EBPL: variants seen among roughly 807,000 people sequenced by gnomAD.
The protein encoded by EBPL is emopamil-binding protein-like.
EBPL carries 20 observed loss-of-function variants against 19.0 expected under a neutral mutation model. The observed-to-expected ratio is 1.05, with a 90% CI of 0.74 to 1.53. The LOEUF (loss-of-function observed/expected upper bound fraction) is 1.53, where lower values mean the gene tolerates loss of function less well. EBPL is among the 40% of genes most tolerant of loss of function. The pLI, the probability that EBPL is intolerant of heterozygous loss-of-function variation, is 0.00. For synonymous variants in EBPL, 107 were observed against 117.0 expected (o/e 0.91, Z 0.55); for missense variants, 219 against 261.1 (o/e 0.84, Z 1.11).
At chr13:49,665,353 C>T (rs1457883023) in intron 2 of EBPL, among the ~76,000 whole-genome samples, 1 of 152,222 alleles carries the variant, frequency 6.6e-6, no homozygotes, top group African/African-American at 2.4e-5. Flanking sequence ...CTCGCTGCAA[C>T]CTCCGCCTCC....
chr13:49,662,226 G>A (rs989689787), intron 3 of EBPL, among the ~76,000 whole-genome samples: 4 of 152,134 alleles, frequency 2.6e-5, no homozygotes, highest in Non-Finnish European at 5.9e-5. Context: ...CTGAACTTCT[G>A]ATCTCGTGAT....
intron 2 of EBPL, among the ~76,000 whole-genome samples, chr13:49,665,010 A>G (rs373663441): frequency 6.6e-6 from 1 of 152,210 alleles, no homozygotes; most frequent in Non-Finnish European, 1.5e-5. Flanking sequence ...TTAAATATAC[A>G]TACAATAGGT....
intron 2 of EBPL, among the ~76,000 whole-genome samples, chr13:49,665,674 G>T (rs1467342492): frequency 6.6e-6 from 1 of 151,552 alleles, no homozygotes; most frequent in East Asian, 1.9e-4. Flanking sequence ...CAAAATGCTG[G>T]GATTACAGGC....
intron 1 of EBPL, among the ~76,000 whole-genome samples, chr13:49,683,330 TC>T (rs1953962189): frequency 6.6e-6 from 1 of 151,602 alleles, no homozygotes; most frequent in South Asian, 2.1e-4. Flanking sequence ...ATGGAGACCA[TC>T]CCTGGCTAAC....
In EBPL at chr13:49,678,432, C is replaced by A. The variant is rs557731121; in HGVS notation, c.172-8586G>T. Among the ~76,000 whole-genome samples, 150 of 152,360 alleles carry A rather than the reference C, an allele frequency of 9.8e-4. 1 individual carries two copies. The highest frequency in any genetic ancestry group is 9.8e-3 in the Admixed American group (150 of 15,308). ...GTGGTGCCGGCTCGGGCATGGCGGG[C>A]TGCAAGTTCCGAGCCCTGCCCCGTG... is the stretch of plus-strand genomic sequence containing the variant. On this transcript the variant is annotated intron_variant, in intron 1 of 3. Transcript: ENST00000242827.
At chr13:49,689,547 C>T (rs1211997514) in intron 1 of EBPL, among the ~76,000 whole-genome samples, 1 of 152,106 alleles carries the variant, frequency 6.6e-6, no homozygotes, top group Non-Finnish European at 1.5e-5. Flanking sequence ...CGGGGTTTCA[C>T]CATGTTGGCC....
chr13:49,668,916 G>A (rs1356258175), intron 2 of EBPL, among the ~76,000 whole-genome samples: 2 of 143,254 alleles, frequency 1.4e-5, no homozygotes, highest in Admixed American at 1.4e-4. Context: ...GTCTTGCTCT[G>A]TCACCCAGAC....
In EBPL at chr13:49,677,164, T is replaced by C. The variant is rs1416544990; in HGVS notation, c.172-7318A>G. 2.0e-5 allele frequency among the ~76,000 whole-genome samples: 3 copies of C among 152,168 alleles called. No individual in the cohort carries two copies. In the South Asian group the frequency reaches 6.2e-4, roughly 31 times the overall value. On this transcript the variant is annotated intron_variant, in intron 1 of 3. Coordinates refer to ENST00000242827, the MANE Select transcript of EBPL (RefSeq NM_032565.5). ...TGTTTTATGTAAAAAGGAAGCCAAA[T>C]AGACCAACAAACACTTGTCTTTTCT...
At chr13:49,684,675 A>T (rs1027373371) in intron 1 of EBPL, among the ~76,000 whole-genome samples, 1 of 152,358 alleles carries the variant, frequency 6.6e-6, no homozygotes, top group Non-Finnish European at 1.5e-5. Flanking sequence ...GACTGTCTCA[A>T]AAAATAAAAT....
intron 1 of EBPL, among the ~76,000 whole-genome samples, chr13:49,675,706 T>G (rs926790641): frequency 6.6e-6 from 1 of 152,182 alleles, no homozygotes; most frequent in African/African-American, 2.4e-5. Flanking sequence ...CCTTTGGGTG[T>G]ATATGTAGAA....
chr13:49,667,598 A>C (rs1323420338), intron 2 of EBPL, among the ~76,000 whole-genome samples: 3 of 152,116 alleles, frequency 2.0e-5, no homozygotes, highest in African/African-American at 4.8e-5. Flanking sequence ...TACATTATCT[A>C]CTGGATTTTT....
intron 1 of EBPL, among the ~76,000 whole-genome samples, chr13:49,686,848 T>G (rs1468515694): frequency 6.6e-6 from 1 of 152,136 alleles, no homozygotes; most frequent in African/African-American, 2.4e-5. Context: ...TAGGCTGGAG[T>G]GCAGTGGCGT....
Position 49,663,081 on chromosome 13 carries a change from G to C in EBPL, c.356C>G (p.Ala119Gly). The part of the protein sequence containing the change: ...DGSLALFLIY[A>G]IVKEKYYRHF... ...CCGGTAATATTTTTCTTTGACTATG[G>C]CATAAATGAGGAACAATGCCAGAGA... The change falls in exon 3 of 4, where the codon GCC becomes GGC. Residue 119 changes from alanine (A) to glycine (G), a missense_variant. By Grantham distance (60) the Ala-to-Gly change is moderately conservative. This residue lies in a region of EBPL where 170 missense variants were observed against 167.0 expected (regional missense o/e 1.02). Coordinates refer to ENST00000242827, the MANE Select transcript of EBPL (RefSeq NM_032565.5). 3 of 1,614,052 alleles carry C rather than the reference G, an allele frequency of 1.9e-6. No homozygotes were observed. In the South Asian group the frequency reaches 3.3e-5, roughly 18 times the overall value.
intron 1 of EBPL, among the ~76,000 whole-genome samples, chr13:49,691,011 A>AT (rs1460497970): frequency 6.6e-6 from 1 of 152,198 alleles, no homozygotes; most frequent in East Asian, 1.9e-4. Context: ...CACGTACAGA[A>AT]TTTTTTTAAA....
chr13:49,662,777 C>G (rs1008128531), intron 3 of EBPL, among the ~76,000 whole-genome samples: 1 of 152,056 alleles, frequency 6.6e-6, no homozygotes, highest in Non-Finnish European at 1.5e-5. Context: ...GGACTACAGG[C>G]GTGTGCCACC....
At chr13:49,683,139 A>T (rs748547273) in intron 1 of EBPL, among the ~76,000 whole-genome samples, 1 of 151,996 alleles carries the variant, frequency 6.6e-6, no homozygotes, top group Non-Finnish European at 1.5e-5. Flanking sequence ...ACGCCTGGCT[A>T]ATTTTTTGCA....
chr13:49,661,847 G>A lies in EBPL; in HGVS notation c.381-639C>T, dbSNP rs547104683. 1.3e-4 allele frequency: 196 copies of A among 1,550,278 alleles called. 1 individual carries two copies. Among genetic ancestry groups the A allele is most frequent in the Admixed American group, 3.5e-4 (18 of 50,980 alleles). On this transcript the variant is annotated intron_variant, in intron 3 of 3. Coordinates refer to ENST00000242827, the MANE Select transcript of EBPL (RefSeq NM_032565.5). ...TCTTCATTACAAGATGGTGGAAAAT[G>A]GAATGCAGCTGTGCCTACTTGAAAT...
intron 1 of EBPL, among the ~76,000 whole-genome samples, chr13:49,681,717 T>C (rs1046951828): frequency 6.6e-6 from 1 of 152,250 alleles, no homozygotes. Flanking sequence ...TTAAAGAGCA[T>C]GCTCAATTTA....
At chr13:49,676,586 T>C (rs1399835136) in intron 1 of EBPL, among the ~76,000 whole-genome samples, 1 of 145,950 alleles carries the variant, frequency 6.9e-6, no homozygotes, top group Non-Finnish European at 1.5e-5. Context: ...AGCAAGACTA[T>C]GTCTCAAAAA....
Sources: gnomAD v4.1 joint callset for allele counts (sites outside exome capture counted in the v4.1 genomes callset) on GRCh38, gnomAD v4.1.1 for gene constraint, gnomAD v4.1.1 regional missense constraint, MANE v1.5 for transcripts, NCBI Gene and HGNC (gene_info 2026-07-23, HGNC 2026-07-21) for gene names.